UNC13C: variants seen among roughly 807,000 people sequenced by gnomAD.
UNC13C encodes the protein protein unc-13 homolog C.
Under a neutral mutation model 245.4 loss-of-function variants are expected in UNC13C, and 174 were observed. The observed-to-expected ratio is 0.71, with a 90% CI of 0.63 to 0.80. UNC13C has a LOEUF of 0.80. Among genes scored for constraint, UNC13C ranks in the 30% least tolerant of loss-of-function variants. UNC13C has a pLI of 0.00. For synonymous variants in UNC13C, 992 were observed against 895.1 expected, an observed-to-expected ratio of 1.11 and a Z score of -1.93; for missense variants, 2,829 against 2,602.9, an observed-to-expected ratio of 1.09 and a Z score of -1.89.
intron 30 of UNC13C, among the ~76,000 whole-genome samples, chr15:54,586,471 T>G (rs1480273747): frequency 6.6e-6 from 1 of 152,188 alleles, no homozygotes; most frequent in Non-Finnish European, 1.5e-5. Flanking sequence ...GAAAGAGATC[T>G]CTGGTATCTC....
At chr15:54,033,446 G>T (rs1003826457) in intron 2 of UNC13C, among the ~76,000 whole-genome samples, 1 of 152,076 alleles carries the variant, frequency 6.6e-6, no homozygotes, top group African/African-American at 2.4e-5. Flanking sequence ...ATTGTCGTGG[G>T]ATTTTTGAAC....
At chr15:54,128,900 G>A (rs754105926) in intron 2 of UNC13C, among the ~76,000 whole-genome samples, 2 of 152,156 alleles carry the variant, frequency 1.3e-5, no homozygotes, top group African/African-American at 2.4e-5. Context: ...TCAAAGTCCT[G>A]ACTCTCAACT....
chr15:53,980,550 C>T (rs1893886223), intron 1 of UNC13C, among the ~76,000 whole-genome samples: 1 of 152,148 alleles, frequency 6.6e-6, no homozygotes, highest in African/African-American at 2.4e-5. Flanking sequence ...CTCTAATTTA[C>T]AAAATTGTAT....
At chr15:54,601,420 G>A (rs1411494893) in intron 30 of UNC13C, among the ~76,000 whole-genome samples, 1 of 152,164 alleles carries the variant, frequency 6.6e-6, no homozygotes, top group Non-Finnish European at 1.5e-5. Context: ...GCACTTGATG[G>A]TAGGACTGAG....
chr15:54,293,229 G>A (rs1204281900), intron 10 of UNC13C, among the ~76,000 whole-genome samples: 1 of 151,838 alleles, frequency 6.6e-6, no homozygotes, highest in Admixed American at 6.6e-5. Context: ...AGGCAAAGAA[G>A]CCTAGGGAAG....
intron 4 of UNC13C, among the ~76,000 whole-genome samples, chr15:54,165,064 A>G (rs2033117608): frequency 6.6e-6 from 1 of 152,092 alleles, no homozygotes; most frequent in African/African-American, 2.4e-5. Context: ...AATTTCAAAG[A>G]CTCTTGAGAG....
intron 19 of UNC13C, among the ~76,000 whole-genome samples, chr15:54,463,688 G>A (rs1014442156): frequency 5.9e-5 from 9 of 152,162 alleles, no homozygotes; most frequent in Admixed American, 5.9e-4. Context: ...CCATCTTTAA[G>A]AACTGTAACA....
chr15:54,396,048 T>A (rs1258774212), intron 18 of UNC13C, among the ~76,000 whole-genome samples: 1 of 151,496 alleles, frequency 6.6e-6, no homozygotes, highest in Non-Finnish European at 1.5e-5. Context: ...TACTTTCAGA[T>A]TTAGGTCCAG....
chr15:54,433,923 T>C lies in UNC13C; in HGVS notation c.4933+18856T>C, dbSNP rs145135487. Among the ~76,000 whole-genome samples, 539 of 152,190 alleles carry C rather than the reference T, an allele frequency of 3.5e-3. 3 individuals carry two copies. The highest frequency in any genetic ancestry group is 0.013 in the African/African-American group (524 of 41,530). ...ATCGATGTGCAAAAATCACAAGCAT[T>C]CCTATATACCAATAATAGACAAGTA... On this transcript the variant is annotated intron_variant, in intron 19 of 32. Transcript: ENST00000260323.
chr15:54,144,046 A>T (rs2032147587), intron 4 of UNC13C, among the ~76,000 whole-genome samples: 2 of 152,188 alleles, frequency 1.3e-5, no homozygotes, highest in South Asian at 4.1e-4. Context: ...TTAATGATAT[A>T]TGTACATGAA....
At chr15:54,405,409 T>C (rs1276767696) in intron 18 of UNC13C, among the ~76,000 whole-genome samples, 1 of 152,148 alleles carries the variant, frequency 6.6e-6, no homozygotes, top group Non-Finnish European at 1.5e-5. Context: ...ATGCAGATGG[T>C]ATAGACTCCT....
At chr15:54,240,562 G>A (rs1208238926) in intron 7 of UNC13C, among the ~76,000 whole-genome samples, 1 of 152,186 alleles carries the variant, frequency 6.6e-6, no homozygotes, top group Non-Finnish European at 1.5e-5. Flanking sequence ...AATGCCTGAT[G>A]CAGGATGACA....
the UNC13C span, among the ~76,000 whole-genome samples, chr15:53,942,947 G>A: frequency 6.6e-6 from 1 of 152,202 alleles, no homozygotes; most frequent in African/African-American, 2.4e-5. Context: ...GCAGGCGTGA[G>A]CCATTGTGCC....
intron 10 of UNC13C, among the ~76,000 whole-genome samples, chr15:54,279,486 G>A (rs373911496): frequency 3.8e-4 from 58 of 152,274 alleles, no homozygotes; most frequent in African/African-American, 1.3e-3. Context: ...TGCCTCTCCC[G>A]ATTCAAGTTT....
At chr15:53,927,864 C>G in the UNC13C span, among the ~76,000 whole-genome samples, 324 of 152,196 alleles carry the variant, frequency 2.1e-3, 5 homozygotes, top group African/African-American at 7.4e-3. Context: ...AGCCAGCTAC[C>G]ATCATGTCTC....
intron 30 of UNC13C, among the ~76,000 whole-genome samples, chr15:54,593,021 C>T (rs1194732379): frequency 5.3e-5 from 8 of 152,052 alleles, no homozygotes; most frequent in African/African-American, 1.7e-4. Flanking sequence ...TGAACTCTCT[C>T]AGCATTTGTT....
At chr15:54,363,969 C>T (rs546150552) in intron 17 of UNC13C, among the ~76,000 whole-genome samples, 7 of 152,052 alleles carry the variant, frequency 4.6e-5, no homozygotes, top group African/African-American at 7.2e-5. Flanking sequence ...CATACATTTG[C>T]GTAAATGCAA....
chr15:54,044,666 T>C (rs755986870), intron 2 of UNC13C, among the ~76,000 whole-genome samples: 6 of 152,140 alleles, frequency 3.9e-5, no homozygotes, highest in Non-Finnish European at 7.4e-5. Flanking sequence ...TGGTATCTCA[T>C]TGTGATATTT....
intron 17 of UNC13C, among the ~76,000 whole-genome samples, chr15:54,370,109 T>C (rs1278658879): frequency 6.6e-6 from 1 of 152,174 alleles, no homozygotes; most frequent in African/African-American, 2.4e-5. Flanking sequence ...CTGCAATATT[T>C]ACTATTTTCT....
Sources: gnomAD v4.1 joint callset for allele counts (sites outside exome capture counted in the v4.1 genomes callset) on GRCh38, gnomAD v4.1.1 for gene constraint, MANE v1.5 for transcripts, NCBI Gene and HGNC (gene_info 2026-07-23, HGNC 2026-07-21) for gene names.